WWOX: variants seen among roughly 807,000 people sequenced by gnomAD.
The protein encoded by WWOX is WW domain-containing oxidoreductase.
In WWOX, 69 loss-of-function variants were observed where a neutral mutation model predicts 46.2. The observed-to-expected ratio is 1.49, with a 90% CI of 1.23 to 1.82. The LOEUF is 1.82. Among genes scored for constraint, WWOX ranks in the 40% most tolerant of loss-of-function variants. The pLI, the probability that WWOX is intolerant of heterozygous loss-of-function variation, is 0.00. For synonymous variants in WWOX, 359 were observed against 202.6 expected (o/e 1.77, Z -6.56); for missense variants, 919 against 542.6 (o/e 1.69, Z -6.89).
At chr16:78,611,518 C>A (rs1423715750) in intron 8 of WWOX, among the ~76,000 whole-genome samples, 1 of 152,210 alleles carries the variant, frequency 6.6e-6, no homozygotes, top group Non-Finnish European at 1.5e-5. Flanking sequence ...CCCACAGACA[C>A]TTATGGGAGG....
intron 8 of WWOX, among the ~76,000 whole-genome samples, chr16:78,522,760 A>G (rs1773482693): frequency 6.6e-6 from 1 of 152,240 alleles, no homozygotes; most frequent in African/African-American, 2.4e-5. Context: ...GTCAAGTCGA[A>G]TATCTGGTAG....
chr16:79,179,059 C>T (rs2050858329), intron 8 of WWOX, among the ~76,000 whole-genome samples: 2 of 152,062 alleles, frequency 1.3e-5, no homozygotes, highest in South Asian at 4.2e-4. Flanking sequence ...ATTCTGTGAG[C>T]CTGGAGGTCA....
chr16:78,721,149 G>A lies in WWOX; in HGVS notation c.1056+288397G>A, dbSNP rs75716954. On this transcript the variant is annotated intron_variant, in intron 8 of 8. Coordinates refer to ENST00000566780, the MANE Select transcript of WWOX (RefSeq NM_016373.4). ...CTGTTTTTCATGATGTGGATACCAC[G>A]TGGGATATGTCCCACAATTGGCAAG... is the stretch of plus-strand genomic sequence containing the variant. Among the ~76,000 whole-genome samples, 65 of 152,230 alleles carry A rather than the reference G, an allele frequency of 4.3e-4. 1 individual carries two copies. In the East Asian group the frequency reaches 7.7e-3, roughly 18 times the overall value.
chr16:78,116,086 A>G (rs1279028175), intron 4 of WWOX, among the ~76,000 whole-genome samples: 1 of 152,168 alleles, frequency 6.6e-6, no homozygotes, highest in Non-Finnish European at 1.5e-5. Context: ...TGCAATGTGA[A>G]ATAGTCACAT....
At chr16:78,298,366 A>T (rs2151865217) in intron 5 of WWOX, among the ~76,000 whole-genome samples, 1 of 152,296 alleles carries the variant, frequency 6.6e-6, no homozygotes, top group South Asian at 2.1e-4. Flanking sequence ...AGAGTAGCTA[A>T]GACTTTGGGG....
chr16:78,366,527 C>T (rs1001298606), intron 5 of WWOX, among the ~76,000 whole-genome samples: 2 of 152,186 alleles, frequency 1.3e-5, no homozygotes, highest in Admixed American at 6.5e-5. Flanking sequence ...CAGGGGACTA[C>T]ACTCTTATTC....
intron 5 of WWOX, among the ~76,000 whole-genome samples, chr16:78,280,138 G>A (rs959221354): frequency 1.3e-5 from 2 of 152,136 alleles, no homozygotes; most frequent in African/African-American, 4.8e-5. Context: ...TAGCTGTTGT[G>A]GGATTTCCCT....
At chr16:79,185,311 A>T (rs1044602118) in intron 8 of WWOX, among the ~76,000 whole-genome samples, 1 of 152,136 alleles carries the variant, frequency 6.6e-6, no homozygotes, top group African/African-American at 2.4e-5. Context: ...AAAAAACAAA[A>T]TTTCAACCCA....
intron 8 of WWOX, among the ~76,000 whole-genome samples, chr16:79,086,065 C>T (rs1418723667): frequency 9.5e-6 from 1 of 105,488 alleles, no homozygotes; most frequent in African/African-American, 4.1e-5. Flanking sequence ...GTGTGAGACC[C>T]CATCTCCAAA....
At chr16:78,804,624 A>T (rs1453405008) in intron 8 of WWOX, among the ~76,000 whole-genome samples, 2 of 152,358 alleles carry the variant, frequency 1.3e-5, no homozygotes, top group Middle Eastern at 3.4e-3. Context: ...TTTACATGTC[A>T]AGCAATGAGC....
chr16:78,971,543 C>T (rs2046470602), intron 8 of WWOX, among the ~76,000 whole-genome samples: 2 of 151,320 alleles, frequency 1.3e-5, no homozygotes, highest in Admixed American at 1.3e-4. Context: ...GAATGGAGCA[C>T]TCTAATGGAT....
intron 8 of WWOX, among the ~76,000 whole-genome samples, chr16:79,014,046 A>T (rs561168705): frequency 5.3e-5 from 8 of 152,316 alleles, no homozygotes; most frequent in Non-Finnish European, 1.0e-4. Context: ...GAGACTGTCA[A>T]TTCCTGAGAG....
chr16:78,547,722 C>G (rs1046838308), intron 8 of WWOX, among the ~76,000 whole-genome samples: 1 of 152,160 alleles, frequency 6.6e-6, no homozygotes, highest in Non-Finnish European at 1.5e-5. Context: ...TTGCTATGTC[C>G]TCATATCGTG....
chr16:78,411,292 C>CT (rs2082675352), intron 6 of WWOX, among the ~76,000 whole-genome samples: 1 of 152,062 alleles, frequency 6.6e-6, no homozygotes, highest in Non-Finnish European at 1.5e-5. Flanking sequence ...TAGTTTGCTT[C>CT]TTTTTAATGT....
chr16:78,492,382 C>T (rs545013019), intron 8 of WWOX, among the ~76,000 whole-genome samples: 2 of 152,310 alleles, frequency 1.3e-5, no homozygotes, highest in South Asian at 2.1e-4. Flanking sequence ...ACATTTGTGA[C>T]TCTAGCAATT....
chr16:79,024,345 A>C (rs1353110959), intron 8 of WWOX, among the ~76,000 whole-genome samples: 1 of 152,164 alleles, frequency 6.6e-6, no homozygotes, highest in Non-Finnish European at 1.5e-5. Context: ...TGCAGCCTCA[A>C]ACTCCTAAGG....
At chr16:78,715,191 G>C (rs2048532583) in intron 8 of WWOX, among the ~76,000 whole-genome samples, 1 of 152,186 alleles carries the variant, frequency 6.6e-6, no homozygotes, top group South Asian at 2.1e-4. Flanking sequence ...TTATCAGTGA[G>C]AAAAGAGTTC....
intron 5 of WWOX, among the ~76,000 whole-genome samples, chr16:78,171,652 A>G (rs1454508299): frequency 2.6e-5 from 4 of 152,196 alleles, no homozygotes; most frequent in African/African-American, 9.6e-5. Context: ...TATTATTAAT[A>G]GTTGTAGATT....
At chr16:78,733,967 G>C (rs544547679) in intron 8 of WWOX, among the ~76,000 whole-genome samples, 31 of 151,978 alleles carry the variant, frequency 2.0e-4, no homozygotes, top group African/African-American at 7.5e-4. Context: ...GGCTGAGGCG[G>C]GAGGATCCTC....
Sources: allele counts gnomAD v4.1 joint callset (sites outside exome capture counted in the v4.1 genomes callset), GRCh38; gene constraint gnomAD v4.1.1; transcripts MANE v1.5; gene names NCBI Gene and HGNC (gene_info 2026-07-23, HGNC 2026-07-21).